Variants in BCAR1 observed in about 807,000 individuals in gnomAD.
BCAR1 encodes the protein breast cancer anti-estrogen resistance protein 1.
Under a neutral mutation model 67.6 loss-of-function variants are expected in BCAR1, and 30 were observed. The observed-to-expected ratio is 0.44, with a 90% CI of 0.33 to 0.60. BCAR1 has a LOEUF of 0.60. Among genes scored for constraint, BCAR1 ranks in the 20% least tolerant of loss-of-function variants. The pLI is 0.02. For synonymous variants in BCAR1, 626 were observed against 556.7 expected, an observed-to-expected ratio of 1.12 and a Z score of -1.75; for missense variants, 1,313 against 1,222.3, an observed-to-expected ratio of 1.07 and a Z score of -1.11.
rs1293823763 is a variant in BCAR1 at position 75,229,969 on chromosome 16, G to C, written c.2155C>G (p.Leu719Val). The change falls in exon 7 of 7, where the codon CTG (leucine) becomes GTG (valine). Residue 719 changes from leucine (L) to valine (V), a missense_variant. Leu to Val is a conservative substitution (Grantham distance 32). Coordinates refer to ENST00000162330, the MANE Select transcript of BCAR1 (RefSeq NM_014567.5). ...GGTTGGGCTGGCGTCCAGTTGGCCA[G>C]GTCGTGGTCTATGGGCCGTGACACC... ...QEVSRPIDHDLANWTPAQPLA... is the reference protein window; with the variant it reads ...QEVSRPIDHDVANWTPAQPLA... The C allele has an allele frequency of 6.9e-6, 11 of 1,588,742 alleles. No individual in the cohort carries two copies. The highest frequency in any genetic ancestry group is 8.6e-6 in the Non-Finnish European group (10 of 1,165,156).
rs1166344033 is a variant in BCAR1 at position 75,229,949 on chromosome 16, G to A, written c.2175C>T (p.Ala725=). 1.3e-6 allele frequency: 2 copies of A among 1,599,930 alleles called. No individual in the cohort carries two copies. The highest frequency in any genetic ancestry group is 2.2e-5 in the East Asian group (1 of 44,538). ...CTGTTCGCCCCGGGGCCAGGGGTTGGGCTGGCGTCCAGTTGGCCAGGTCGT... is the reference window on the plus strand; with the variant it reads ...CTGTTCGCCCCGGGGCCAGGGGTTGAGCTGGCGTCCAGTTGGCCAGGTCGT... ...IDHDLANWTP[A]QPLAPGRTGG... is the part of the protein sequence containing the mutation. The change falls in exon 7 of 7, where the codon GCC becomes GCT. Residue 725 remains alanine (A), a synonymous_variant. Transcript: ENST00000162330.
At chr16:75,231,680 C>G (rs946133101) in intron 6 of BCAR1, among the ~76,000 whole-genome samples, 1 of 152,172 alleles carries the variant, frequency 6.6e-6, no homozygotes, top group Non-Finnish European at 1.5e-5. Flanking sequence ...CAGATACGTG[C>G]AAAGACTAGT....
intron 1 of BCAR1, chr16:75,264,154 T>A (rs1374374024): frequency 2.3e-6 from 3 of 1,318,648 alleles, no homozygotes; most frequent in Non-Finnish European, 2.9e-6. Flanking sequence ...TTGTTACAGA[T>A]GAGGCACAGT....
At chr16:75,262,637 G>C (rs1214348455) in intron 1 of BCAR1, among the ~76,000 whole-genome samples, 1 of 152,176 alleles carries the variant, frequency 6.6e-6, no homozygotes, top group Non-Finnish European at 1.5e-5. Flanking sequence ...GGCCAGCTAT[G>C]AACCCCAGGG....
chr16:75,266,889 G>A (rs541203918), intron 1 of BCAR1: 2 of 886,484 alleles, frequency 2.3e-6, no homozygotes, highest in Non-Finnish European at 3.0e-6. Flanking sequence ...CGCAGCCCGG[G>A]CTCATGGCGG....
At chr16:75,243,400 T>C in intron 1 of BCAR1, 1 of 610,138 alleles carries the variant, frequency 1.6e-6, no homozygotes, top group Non-Finnish European at 3.1e-6. Context: ...CCAAGGCCAC[T>C]CTGCTACCTG....
chr16:75,267,627 A>G (rs2078027419), intron 1 of BCAR1, among the ~76,000 whole-genome samples: 1 of 147,940 alleles, frequency 6.8e-6, no homozygotes, highest in Admixed American at 6.8e-5. Context: ...CCTCGCCCAG[A>G]CCCCACCTCC....
At chr16:75,240,534 T>C (rs1358847530) in intron 2 of BCAR1, among the ~76,000 whole-genome samples, 4 of 152,222 alleles carry the variant, frequency 2.6e-5, no homozygotes, top group South Asian at 2.1e-4. Context: ...CAAAACTGCA[T>C]GTATAAATCT....
intron 1 of BCAR1, chr16:75,246,790 GGA>G (rs2077535650): frequency 6.6e-6 from 1 of 152,366 alleles, no homozygotes; most frequent in African/African-American, 2.4e-5. Context: ...TCAAACTGGA[GGA>G]GAGGCCAGCC....
intron 1 of BCAR1, chr16:75,265,838 T>C: frequency 2.5e-6 from 3 of 1,179,752 alleles, no homozygotes; most frequent in Non-Finnish European, 3.1e-6. Context: ...CACGGACATC[T>C]TGGCCGCCGC....
At chr16:75,253,002 G>C (rs754182842), upstream of BCAR1, among the ~76,000 whole-genome samples, 2 of 152,216 alleles carry the variant, frequency 1.3e-5, no homozygotes, top group Non-Finnish European at 2.9e-5. Flanking sequence ...GCATTGGCCA[G>C]AACTCACAGC....
At chr16:75,236,155 G>GGCACACACACGC in intron 4 of BCAR1, 169 bp from the exon 5 acceptor site, 2 of 776,480 alleles carry the variant, frequency 2.6e-6, no homozygotes, top group South Asian at 1.8e-5. Context: ...CACGCACACA[G>GGCACACACACGC]GCACACACAC....
chr16:75,258,923 G>C (rs1232791102), intron 1 of BCAR1, among the ~76,000 whole-genome samples: 1 of 152,052 alleles, frequency 6.6e-6, no homozygotes, highest in Non-Finnish European at 1.5e-5. Context: ...GATGGCCAGG[G>C]AAAAAAAGAG....
rs2076826865 is a variant in BCAR1 at position 75,229,775 on chromosome 16, C to T, written c.2349G>A (p.Lys783=). 2 of 1,613,498 alleles carry T rather than the reference C, an allele frequency of 1.2e-6. No individual in the cohort carries two copies. The highest frequency in any genetic ancestry group is 1.7e-6 in the Non-Finnish European group (2 of 1,180,002). Residue 783 remains lysine, a synonymous_variant, in exon 7 of 7, where the codon AAG becomes AAA. Transcript: ENST00000162330. ...GCTTGTGGGCGCTGAGGATGACGAA[C>T]TTGCTGTGCGCCACAAAGATCTTGG... The part of the protein sequence containing the change: ...QPPKIFVAHS[K]FVILSAHKLV...
At chr16:75,264,268 A>T (rs925527633) in intron 1 of BCAR1, 10 of 1,366,592 alleles carry the variant, frequency 7.3e-6, no homozygotes, top group Non-Finnish European at 6.6e-6. Flanking sequence ...AAACCAAATC[A>T]AACGGGGACC....
intron 2 of BCAR1, among the ~76,000 whole-genome samples, chr16:75,237,628 AGAG>A (rs1459767833): frequency 6.6e-6 from 1 of 152,214 alleles, no homozygotes; most frequent in Non-Finnish European, 1.5e-5. Flanking sequence ...AAGGCTCCAC[AGAG>A]GAGCATGGGT....
In BCAR1 at chr16:75,235,911, G is replaced by A. The variant is rs967027251; in HGVS notation, c.988C>T (p.Pro330Ser). 3.8e-6 allele frequency: 6 copies of A among 1,565,916 alleles called. No individual in the cohort carries two copies. The highest frequency in any genetic ancestry group is 2.7e-5 in the African/African-American group (2 of 74,030). ...PLLREETYDV[P>S]PAFAKAKPFD... is the part of the protein sequence containing the mutation. ...GGCTTGGCCTTGGCGAAGGCGGGGGGCACATCGTAGGTCTCCTCACGCAGC... is the reference window on the plus strand; with the variant it reads ...GGCTTGGCCTTGGCGAAGGCGGGGGACACATCGTAGGTCTCCTCACGCAGC... Residue 330 changes from proline (P) to serine (S), a missense_variant, in exon 5 of 7, where the codon CCC becomes TCC. Pro to Ser is a moderately conservative substitution (Grantham distance 74, BLOSUM62 -1). This residue lies in a region of BCAR1 where 1,272 missense variants were observed against 1,137.5 expected (regional missense o/e 1.12). Transcript: ENST00000162330.
At chr16:75,251,790 G>T, upstream of BCAR1, 2 of 391,262 alleles carry the variant, frequency 5.1e-6, no homozygotes, top group Non-Finnish European at 5.9e-6. Context: ...CCCCCGCCCC[G>T]CCCCCCACCT....
Position 75,242,711 on chromosome 16 carries a change from G to C in BCAR1, c.392C>G (p.Pro131Arg). The C allele has an allele frequency of 6.4e-7, 1 of 1,558,206 alleles. No homozygotes were observed. The highest frequency in any genetic ancestry group is 8.7e-7 in the Non-Finnish European group (1 of 1,153,892). ...SKAQQGLYQVPGPSPQFQSPP... is the reference protein window; with the variant it reads ...SKAQQGLYQVRGPSPQFQSPP... ...AGACTGGAACTGAGGGCTGGGACCC[G>C]GGACTTGGTAGAGGCCTTGCTGAGC... The change falls in exon 2 of 7, where the codon CCG becomes CGG. Residue 131 changes from proline (P) to arginine (R), a missense_variant. Physicochemically the swap from Pro to Arg is moderately radical, Grantham distance 103. Coordinates refer to ENST00000162330, the MANE Select transcript of BCAR1 (RefSeq NM_014567.5).
Sources: allele counts gnomAD v4.1 joint callset (sites outside exome capture counted in the v4.1 genomes callset), GRCh38; gene constraint gnomAD v4.1.1; regional missense constraint gnomAD v4.1.1; transcripts MANE v1.5; gene names NCBI Gene and HGNC (gene_info 2026-07-23, HGNC 2026-07-21).